Variants in RILPL2 observed in about 807,000 individuals in gnomAD.
RILPL2 encodes the protein RILP-like protein 2.
RILPL2 carries 19 observed loss-of-function variants against 22.2 expected under a neutral mutation model. That is an observed-to-expected ratio of 0.86 (90% CI 0.60 to 1.25). The LOEUF is 1.25. Ranked by LOEUF, RILPL2 falls within the 50% of genes most tolerant of loss-of-function variation. RILPL2 has a pLI of 0.00. For synonymous variants in RILPL2, 123 were observed against 111.6 expected (o/e 1.10, Z -0.64); for missense variants, 243 against 263.6 (o/e 0.92, Z 0.54).
rs1879809180 is a variant in RILPL2 at position 123,436,488 on chromosome 12, C to T, written c.-68G>A. 6.7e-7 allele frequency: 1 copy of T among 1,499,804 alleles called. No individual in the cohort carries two copies. Among genetic ancestry groups the T allele is most frequent in the African/African-American group, 1.4e-5 (1 of 72,196 alleles). 92.9% of individuals were successfully genotyped at this position (1,499,804 alleles called of 1,614,324 possible). On this transcript the variant is annotated 5_prime_UTR_variant, in exon 1 of 4. Transcript: ENST00000280571. The surrounding 1 kb of genome is among the most constrained non-coding windows in gnomAD (Gnocchi z 6.7). ...GTCTCCCAAAGGTTAGACTTCCTCC[C>T]GGCACCCAAAACTTTCCGCTGGGCA...
chr12:123,434,034 C>T (rs1384070770), intron 1 of RILPL2, among the ~76,000 whole-genome samples: 1 of 152,134 alleles, frequency 6.6e-6, no homozygotes, highest in African/African-American at 2.4e-5. Context: ...AAAAAGACAT[C>T]GTCCACTTAC....
chr12:123,409,659 C>T, the RILPL2 span, among the ~76,000 whole-genome samples: 2 of 147,408 alleles, frequency 1.4e-5, no homozygotes, highest in Admixed American at 6.8e-5. Context: ...AAGCAATTCT[C>T]GTACCTTGGC....
At chr12:123,412,478 G>T (rs1197043872), downstream of RILPL2, 2 of 152,166 alleles carry the variant, frequency 1.3e-5, no homozygotes, top group Non-Finnish European at 2.9e-5. Flanking sequence ...GGGATTAGGA[G>T]CCCTGATCTA....
intron 3 of RILPL2, among the ~76,000 whole-genome samples, chr12:123,422,003 C>G (rs1203985354): frequency 9.2e-6 from 1 of 108,662 alleles, no homozygotes; most frequent in Non-Finnish European, 2.0e-5. Flanking sequence ...TTCTTTCTCT[C>G]TCTTTTTTTT....
Position 123,420,022 on chromosome 12 carries a change from C to CTT in RILPL2, c.605+3020_605+3021dup, listed in dbSNP as rs35616705. On this transcript the variant is annotated intron_variant, in intron 3 of 3. Coordinates refer to ENST00000280571, the MANE Select transcript of RILPL2 (RefSeq NM_145058.3). Reference sequence around the variant, plus strand: ...TGTATTTTTAGTAGAGACGGGGTTTCTTTTTTTTTTTTTTTTTTTTGAGAC... The same window carrying CTT: ...TGTATTTTTAGTAGAGACGGGGTTTCTTTTTTTTTTTTTTTTTTTTTTGAGAC... Among the ~76,000 whole-genome samples the CTT allele has an allele frequency of 9.7e-4, 56 of 57,492 alleles. 3 individuals carry two copies. Among genetic ancestry groups the CTT allele is most frequent in the South Asian group, 3.2e-3 (5 of 1,550 alleles). 37.7% of individuals were successfully genotyped at this position (57,492 alleles called of 152,430 possible).
At chr12:123,431,001 C>T (rs781107324) in intron 1 of RILPL2, among the ~76,000 whole-genome samples, 2 of 152,020 alleles carry the variant, frequency 1.3e-5, no homozygotes, top group South Asian at 2.1e-4. Context: ...GCCCGGCCTA[C>T]GCCTGGCTAA....
chr12:123,430,417 A>G (rs940618399), intron 2 of RILPL2, 91 bp downstream of exon 2: 325 of 1,370,554 alleles, frequency 2.4e-4, no homozygotes, highest in Non-Finnish European at 2.4e-4. Flanking sequence ...TCAAAAAAAC[A>G]AAAACAAAAC....
At chr12:123,428,715 T>TTGCCACCACTGC (rs1187571497) in intron 2 of RILPL2, among the ~76,000 whole-genome samples, 1 of 152,194 alleles carries the variant, frequency 6.6e-6, no homozygotes, top group Non-Finnish European at 1.5e-5. Flanking sequence ...ATCACCACTG[T>TTGCCACCACTGC]TGCCACCACT....
At chr12:123,430,397 A>C in intron 2 of RILPL2, 111 bp downstream of exon 2, 1 of 1,114,140 alleles carries the variant, frequency 9.0e-7, no homozygotes, top group Non-Finnish European at 1.2e-6. Context: ...CGACAGAGCG[A>C]GACTCTGTCT....
intron 1 of RILPL2, among the ~76,000 whole-genome samples, chr12:123,432,438 T>G (rs907095963): frequency 2.0e-5 from 3 of 152,116 alleles, no homozygotes; most frequent in African/African-American, 7.2e-5. Flanking sequence ...CCAGGGAGGC[T>G]GAAACTGCAG....
chr12:123,436,130 C>T lies in RILPL2; in HGVS notation c.291G>A (p.Arg97=), dbSNP rs1879790181. The part of the protein sequence containing the change: ...EELKMERDHL[R]KEVEGLRRQS... Reference sequence around the variant, plus strand: ...GTCTCCGCAGCCCCTCCACCTCCTTCCTGAGGTGGTCCCTCTCCATCTTCA... The same window carrying T: ...GTCTCCGCAGCCCCTCCACCTCCTTTCTGAGGTGGTCCCTCTCCATCTTCA... The change falls in exon 1 of 4, where the codon AGG becomes AGA. Residue 97 remains arginine, a synonymous_variant. Transcript: ENST00000280571. The surrounding 1 kb of genome is among the most constrained non-coding windows in gnomAD (Gnocchi z 6.7). 3 of 1,595,792 alleles carry T rather than the reference C, an allele frequency of 1.9e-6. No individual in the cohort carries two copies. Among genetic ancestry groups the T allele is most frequent in the South Asian group, 1.1e-5 (1 of 88,264 alleles).
At chr12:123,430,702 T>A in intron 1 of RILPL2, 43 bp from the exon 2 acceptor site, 1 of 1,247,274 alleles carries the variant, frequency 8.0e-7, no homozygotes. Flanking sequence ...TCTATATAAT[T>A]AAATTATTAT....
In RILPL2 at chr12:123,423,118, T is replaced by C; in HGVS notation, c.531A>G (p.Arg177=). The stretch of plus-strand genomic sequence containing the variant: ...CACTAGTAACCACAGCATCTTTTTC[T>C]CTTCTTCCTCCTGGGCCTTCTCTTG... The part of the protein sequence containing the change: ...IPPREGPGGR[R]EKDAVVTSAK... The change falls in exon 3 of 4, where the codon AGA becomes AGG. Residue 177 remains arginine, a synonymous_variant. Transcript: ENST00000280571. The C allele has an allele frequency of 6.2e-7, 1 of 1,613,700 alleles. No individual in the cohort carries two copies. Among genetic ancestry groups the C allele is most frequent in the South Asian group, 1.1e-5 (1 of 91,038 alleles).
chr12:123,412,551 G>C (rs1463659597), downstream of RILPL2: 1 of 152,182 alleles, frequency 6.6e-6, no homozygotes, highest in Non-Finnish European at 1.5e-5. Context: ...TTCCTGGAAG[G>C]CAGAGTGGTT....
intron 2 of RILPL2, among the ~76,000 whole-genome samples, chr12:123,426,656 A>G (rs1351082688): frequency 6.6e-6 from 1 of 151,980 alleles, no homozygotes; most frequent in Non-Finnish European, 1.5e-5. Context: ...GCTGGAGTGC[A>G]GTGGCGCGAT....
At chr12:123,420,726 T>C (rs1037342751) in intron 3 of RILPL2, among the ~76,000 whole-genome samples, 17 of 152,166 alleles carry the variant, frequency 1.1e-4, no homozygotes, top group African/African-American at 3.9e-4. Flanking sequence ...CGTCAGCCAC[T>C]GCGCCCGGTC....
chr12:123,416,349 C>A (rs1249427162), intron 3 of RILPL2, among the ~76,000 whole-genome samples: 1 of 151,038 alleles, frequency 6.6e-6, no homozygotes, highest in South Asian at 2.1e-4. Context: ...AGCAAAAAAA[C>A]CCCAAAAAAC....
In RILPL2 at chr12:123,436,089, C is replaced by G; in HGVS notation, c.332G>C (p.Ser111Thr). The G allele has an allele frequency of 6.4e-7, 1 of 1,572,810 alleles. No individual in the cohort carries two copies. The highest frequency in any genetic ancestry group is 8.6e-7 in the Non-Finnish European group (1 of 1,159,226). Residue 111 changes from serine (S) to threonine (T), a missense_variant, in exon 1 of 4, where the codon AGC (serine) becomes ACC (threonine). Coordinates refer to ENST00000280571, the MANE Select transcript of RILPL2 (RefSeq NM_145058.3). The surrounding 1 kb of genome is among the most constrained non-coding windows in gnomAD (Gnocchi z 6.7). Reference protein sequence around the residue: ...EGLRRQSPPASGEVNLGPNKM... With the variant: ...EGLRRQSPPATGEVNLGPNKM... ...CCTCGCTCCCACACTCACCTCCCCG[C>G]TGGCCGGAGGGCTCTGTCTCCGCAG...
chr12:123,430,422 C>A (rs915985047), intron 2 of RILPL2, 86 bp downstream of exon 2: 2 of 1,385,278 alleles, frequency 1.4e-6, no homozygotes, highest in African/African-American at 3.0e-5. Flanking sequence ...AAAACAAAAA[C>A]AAAACAAAAC....
Sources: allele counts gnomAD v4.1 joint callset (sites outside exome capture counted in the v4.1 genomes callset), GRCh38; gene constraint gnomAD v4.1.1; non-coding constraint Gnocchi (gnomAD v3.1); transcripts MANE v1.5; gene names NCBI Gene and HGNC (gene_info 2026-07-23, HGNC 2026-07-21).